The following CSMD1 variants were observed in gnomAD, a reference collection of about 807,000 sequenced individuals.
CSMD1 encodes the protein CUB and Sushi multiple domains 1.
Under a neutral mutation model 417.5 loss-of-function variants are expected in CSMD1, and 213 were observed. The ratio of observed to expected loss-of-function variants is 0.51; its 90% confidence interval spans 0.46 to 0.57. The LOEUF is 0.57. Among genes scored for constraint, CSMD1 ranks in the 20% least tolerant of loss-of-function variants. CSMD1 has a pLI of 0.00. For missense variants in CSMD1, 6,923 were observed against 4,529.7 expected (o/e 1.53, Z -15.17); for synonymous variants, 2,862 against 1,736.8 (o/e 1.65, Z -16.11).
chr8:4,675,000 G>C (rs186981386), intron 1 of CSMD1, among the ~76,000 whole-genome samples: 81 of 152,268 alleles, frequency 5.3e-4, no homozygotes, highest in African/African-American at 1.8e-3. Flanking sequence ...AAACCAAGAA[G>C]AGAGCCTTCC....
chr8:4,211,401 C>T (rs949686119), intron 3 of CSMD1, among the ~76,000 whole-genome samples: 1 of 151,942 alleles, frequency 6.6e-6, no homozygotes, highest in Admixed American at 6.6e-5. Context: ...ATTATTTTAC[C>T]TAAATCAGCA....
intron 7 of CSMD1, among the ~76,000 whole-genome samples, chr8:3,626,472 A>C (rs900226): frequency 6.6e-6 from 1 of 152,034 alleles, no homozygotes; most frequent in Admixed American, 6.6e-5. Context: ...AAAAAGTCTT[A>C]AAGTCGTTAT....
chr8:3,048,160 C>A (rs954951755), intron 50 of CSMD1, among the ~76,000 whole-genome samples: 2 of 152,018 alleles, frequency 1.3e-5, no homozygotes, highest in Non-Finnish European at 2.9e-5. Context: ...AATGAAAGTA[C>A]CCATGTCAGT....
At chr8:4,732,357 GTGTGTGTGTGTGTGTGTGTGTGTGTA>G (rs1365344313) in intron 1 of CSMD1, among the ~76,000 whole-genome samples, 1 of 147,308 alleles carries the variant, frequency 6.8e-6, no homozygotes, top group East Asian at 2.0e-4. Flanking sequence ...GTGTGTGTGT[GTGTGTGTGTGTGTGTGTGTGTGTGTA>G]GTGTTTTTCC....
intron 9 of CSMD1, among the ~76,000 whole-genome samples, chr8:3,579,105 T>A (rs1584915351): frequency 6.6e-6 from 1 of 152,198 alleles, no homozygotes; most frequent in Non-Finnish European, 1.5e-5. Context: ...TGCTTGGCAG[T>A]TTTCCAGACC....
chr8:3,049,844 G>A (rs942606745), intron 50 of CSMD1, among the ~76,000 whole-genome samples: 1 of 152,050 alleles, frequency 6.6e-6, no homozygotes, highest in Non-Finnish European at 1.5e-5. Context: ...GTTGATAGTG[G>A]GGAGGTATGC....
chr8:4,067,808 G>C (rs890899857), intron 3 of CSMD1, among the ~76,000 whole-genome samples: 2 of 152,176 alleles, frequency 1.3e-5, no homozygotes, highest in African/African-American at 4.8e-5. Flanking sequence ...GCCAGATACA[G>C]TGGCTCATGT....
chr8:4,395,874 C>G (rs72624080), intron 3 of CSMD1, among the ~76,000 whole-genome samples: 11,861 of 152,174 alleles, frequency 0.078, 644 homozygotes, highest in African/African-American at 0.15. Flanking sequence ...GTCTTTAATT[C>G]GGTAGTGTAT....
intron 5 of CSMD1, among the ~76,000 whole-genome samples, chr8:3,877,239 T>G (rs753901375): frequency 2.0e-5 from 3 of 152,112 alleles, no homozygotes; most frequent in Non-Finnish European, 4.4e-5. Context: ...CTTTGAGACC[T>G]GCCTACAGTG....
intron 18 of CSMD1, among the ~76,000 whole-genome samples, chr8:3,374,556 C>T (rs963910198): frequency 6.6e-6 from 1 of 152,192 alleles, no homozygotes; most frequent in African/African-American, 2.4e-5. Context: ...GATGATTAGA[C>T]TATGACGGAC....
chr8:4,921,652 C>T (rs995151888), intron 1 of CSMD1, among the ~76,000 whole-genome samples: 1 of 152,118 alleles, frequency 6.6e-6, no homozygotes, highest in Non-Finnish European at 1.5e-5. Flanking sequence ...GTGTGAATTA[C>T]CCACAGAAGT....
At chr8:4,772,592 T>G (rs1796657288) in intron 1 of CSMD1, among the ~76,000 whole-genome samples, 1 of 152,216 alleles carries the variant, frequency 6.6e-6, no homozygotes, top group Non-Finnish European at 1.5e-5. Flanking sequence ...CAAAGTGTTT[T>G]GAATTAAAAT....
intron 10 of CSMD1, among the ~76,000 whole-genome samples, chr8:3,537,527 C>G (rs975466235): frequency 1.3e-5 from 2 of 152,034 alleles, no homozygotes; most frequent in African/African-American, 4.8e-5. Flanking sequence ...TGGACAAACC[C>G]CCTAAAAGAA....
chr8:4,089,662 G>A (rs1448308304), intron 3 of CSMD1, among the ~76,000 whole-genome samples: 2 of 152,126 alleles, frequency 1.3e-5, no homozygotes, highest in South Asian at 2.1e-4. Flanking sequence ...GTGTTAATGG[G>A]CTTAGTAAAG....
intron 21 of CSMD1, among the ~76,000 whole-genome samples, chr8:3,354,907 CTA>C (rs1296934749): frequency 6.7e-6 from 1 of 149,826 alleles, no homozygotes; most frequent in African/African-American, 2.4e-5. Context: ...ATAGATCTAT[CTA>C]TAGATATGTC....
At chr8:3,719,927 C>A (rs1381608441) in intron 6 of CSMD1, among the ~76,000 whole-genome samples, 3 of 152,140 alleles carry the variant, frequency 2.0e-5, no homozygotes, top group Non-Finnish European at 4.4e-5. Flanking sequence ...GCCTCTAAAT[C>A]GCAGATTCCT....
intron 1 of CSMD1, among the ~76,000 whole-genome samples, chr8:4,934,631 T>C (rs894467145): frequency 7.0e-6 from 1 of 143,312 alleles, no homozygotes. Context: ...TATCTACCTA[T>C]CTATATATCA....
intron 5 of CSMD1, among the ~76,000 whole-genome samples, chr8:3,820,098 G>T (rs1053063717): frequency 3.3e-5 from 5 of 152,060 alleles, no homozygotes; most frequent in Non-Finnish European, 7.3e-5. Context: ...TTTTCTTCAG[G>T]GACAGATGCA....
Position 3,117,201 on chromosome 8 carries a change from G to C in CSMD1, c.6430+1198C>G, listed in dbSNP as rs1301553951. ...TTCTCCCACCTCAGCCTCTGGAGTAGCTGGGACTACAGGTGCCCACCACCA... is the reference window on the plus strand; with the variant it reads ...TTCTCCCACCTCAGCCTCTGGAGTACCTGGGACTACAGGTGCCCACCACCA... On this transcript the variant is annotated intron_variant, in intron 42 of 69. Coordinates refer to ENST00000635120, the MANE Select transcript of CSMD1 (RefSeq NM_033225.6). 3.3e-5 allele frequency among the ~76,000 whole-genome samples: 5 copies of C among 152,270 alleles called. No individual in the cohort carries two copies. The South Asian group carries it at 8.3e-4, about 25-fold the overall frequency.
Sources: gnomAD v4.1 joint callset for allele counts (sites outside exome capture counted in the v4.1 genomes callset) on GRCh38, gnomAD v4.1.1 for gene constraint, MANE v1.5 for transcripts, NCBI Gene and HGNC (gene_info 2026-07-23, HGNC 2026-07-21) for gene names.